The following THADA variants were observed in gnomAD, a reference collection of about 807,000 sequenced individuals.
THADA encodes the protein THADA armadillo repeat containing, also known as tRNA (32-2'-O)-methyltransferase regulator THADA.
A neutral mutation model predicts 219.8 loss-of-function variants in THADA; 213 were observed. The observed-to-expected ratio is 0.97, with a 90% CI of 0.87 to 1.09. The LOEUF is 1.09. THADA is among the 50% of genes least tolerant of loss of function. THADA has a pLI of 0.00. For synonymous variants in THADA, 1,018 were observed against 828.9 expected, an observed-to-expected ratio of 1.23 and a Z score of -3.92; for missense variants, 2,956 against 2,311.3, an observed-to-expected ratio of 1.28 and a Z score of -5.72.
chr2:43,546,059 T>A (rs1358450145), intron 20 of THADA, among the ~76,000 whole-genome samples: 1 of 149,738 alleles, frequency 6.7e-6, no homozygotes, highest in East Asian at 1.9e-4. Flanking sequence ...GTCCGAGAGA[T>A]TCTGGTATGT....
In THADA at chr2:43,291,786, CA is replaced by C. The variant is rs1211508357; in HGVS notation, c.4938-19del. 3.9e-6 allele frequency: 6 copies of C among 1,529,166 alleles called. No homozygotes were observed. The highest frequency in any genetic ancestry group is 2.1e-5 in the Admixed American group (1 of 46,806). 94.7% of individuals were successfully genotyped at this position (1,529,166 alleles called of 1,614,324 possible). A position where few individuals can be genotyped will look rare whatever the true frequency, so the allele number is the denominator to read the frequency against. On this transcript the variant is annotated intron_variant, in intron 33 of 37. Coordinates refer to ENST00000405975, the MANE Select transcript of THADA (RefSeq NM_022065.5). Reference sequence around the variant, plus strand: ...TTTCAGATCTAGAAAAATAAACAAACAAAAAAACAACACAAAATTACAATCA... The same window carrying C: ...TTTCAGATCTAGAAAAATAAACAAACAAAAAACAACACAAAATTACAATCA...
chr2:43,320,343 A>G (rs1251147426), intron 31 of THADA, 103 bp downstream of exon 31: 3 of 775,006 alleles, frequency 3.9e-6, no homozygotes, highest in Non-Finnish European at 6.4e-6. Flanking sequence ...TTAGTCTTAC[A>G]AAAGTAGAAG....
intron 26 of THADA, among the ~76,000 whole-genome samples, chr2:43,445,979 G>A (rs957325333): frequency 2.0e-5 from 3 of 152,262 alleles, no homozygotes; most frequent in South Asian, 2.1e-4. Flanking sequence ...GCCCTGCCAC[G>A]CCCCCTGTGA....
At chr2:43,516,378 C>G (rs778032394) in intron 22 of THADA, among the ~76,000 whole-genome samples, 2 of 152,116 alleles carry the variant, frequency 1.3e-5, no homozygotes, top group Non-Finnish European at 2.9e-5. Flanking sequence ...ATCTACAACT[C>G]TTTCCTATGC....
chr2:43,235,956 G>A lies in THADA; in HGVS notation c.5297-3074C>T, dbSNP rs540310322. Among the ~76,000 whole-genome samples the A allele has an allele frequency of 3.9e-5, 6 of 152,144 alleles. No homozygotes were observed. In the East Asian group the frequency reaches 5.8e-4, roughly 15 times the overall value. On this transcript the variant is annotated intron_variant, in intron 36 of 37. Coordinates refer to ENST00000405975, the MANE Select transcript of THADA (RefSeq NM_022065.5). ...CGAGTAGCTGGGATTACAGGCACCCGCCACCACGCCCGGCTAAATTTTTTT... is the reference window on the plus strand; with the variant it reads ...CGAGTAGCTGGGATTACAGGCACCCACCACCACGCCCGGCTAAATTTTTTT...
At chr2:43,594,129 T>A (rs911350863) in intron 1 of THADA, among the ~76,000 whole-genome samples, 1 of 151,940 alleles carries the variant, frequency 6.6e-6, no homozygotes, top group African/African-American at 2.4e-5. Flanking sequence ...CTGAAACAGC[T>A]CCCTAACTGG....
chr2:43,280,838 C>G (rs1673264938), intron 35 of THADA, among the ~76,000 whole-genome samples: 1 of 152,096 alleles, frequency 6.6e-6, no homozygotes, highest in Non-Finnish European at 1.5e-5. Context: ...CCTGAGCAAT[C>G]AAAAGGAATA....
chr2:43,438,716 T>C (rs758294729), intron 26 of THADA, among the ~76,000 whole-genome samples: 1 of 152,194 alleles, frequency 6.6e-6, no homozygotes, highest in Non-Finnish European at 1.5e-5. Flanking sequence ...CCCCCTTATC[T>C]GAGGGGATAC....
chr2:43,416,584 C>T (rs1460401321), intron 28 of THADA, among the ~76,000 whole-genome samples: 1 of 152,158 alleles, frequency 6.6e-6, no homozygotes, highest in African/African-American at 2.4e-5. Context: ...TGTGGCATCT[C>T]TTGGGGGCTG....
chr2:43,593,174 T>C (rs1032425178), intron 1 of THADA, among the ~76,000 whole-genome samples: 2 of 152,212 alleles, frequency 1.3e-5, no homozygotes, highest in African/African-American at 2.4e-5. Context: ...TGTTGAATGA[T>C]GGAATCAGGA....
At chr2:43,274,378 T>C (rs1304541706) in intron 36 of THADA, among the ~76,000 whole-genome samples, 2 of 152,218 alleles carry the variant, frequency 1.3e-5, no homozygotes, top group Non-Finnish European at 2.9e-5. Flanking sequence ...AGCTTTCTTA[T>C]TTCAAAGCGT....
At chr2:43,545,205 T>G (rs1189451887) in intron 20 of THADA, among the ~76,000 whole-genome samples, 1 of 151,692 alleles carries the variant, frequency 6.6e-6, no homozygotes, top group Non-Finnish European at 1.5e-5. Context: ...GAACCAGCCT[T>G]GCATCCCAGG....
intron 24 of THADA, among the ~76,000 whole-genome samples, chr2:43,501,460 T>G (rs1257458038): frequency 6.6e-6 from 1 of 151,460 alleles, no homozygotes; most frequent in Non-Finnish European, 1.5e-5. Flanking sequence ...TTTTCCCAAA[T>G]AAATCAATAC....
At chr2:43,405,710 G>T (rs1454081767) in intron 28 of THADA, among the ~76,000 whole-genome samples, 1 of 152,078 alleles carries the variant, frequency 6.6e-6, no homozygotes, top group African/African-American at 2.4e-5. Context: ...CCTTGGTTTG[G>T]GTAGTAAGGA....
intron 22 of THADA, among the ~76,000 whole-genome samples, chr2:43,523,795 T>A (rs1215236473): frequency 6.6e-6 from 1 of 152,202 alleles, no homozygotes; most frequent in Non-Finnish European, 1.5e-5. Flanking sequence ...ACATTACAAG[T>A]AAAGCAATTC....
At chr2:43,440,777 A>C (rs1222918509) in intron 26 of THADA, among the ~76,000 whole-genome samples, 3 of 152,228 alleles carry the variant, frequency 2.0e-5, no homozygotes, top group African/African-American at 7.2e-5. Flanking sequence ...TGCACACCGT[A>C]TGATTCTATC....
At chr2:43,304,500 G>A (rs1348372483) in intron 31 of THADA, among the ~76,000 whole-genome samples, 4 of 152,208 alleles carry the variant, frequency 2.6e-5, no homozygotes, top group African/African-American at 9.6e-5. Flanking sequence ...TCCTCATTCT[G>A]TCTGCACTTG....
intron 31 of THADA, among the ~76,000 whole-genome samples, chr2:43,310,227 C>T (rs867571894): frequency 4.4e-5 from 2 of 44,954 alleles, no homozygotes; most frequent in African/African-American, 2.0e-4. Context: ...CCCTTTCCCG[C>T]CCCCCCCCCA....
At chr2:43,261,425 T>C (rs533308434) in intron 36 of THADA, among the ~76,000 whole-genome samples, 2 of 151,532 alleles carry the variant, frequency 1.3e-5, no homozygotes, top group Non-Finnish European at 2.9e-5. Flanking sequence ...GGTTTCGCCA[T>C]GTTGCCTGGT....
Sources: allele counts gnomAD v4.1 joint callset (sites outside exome capture counted in the v4.1 genomes callset), GRCh38; gene constraint gnomAD v4.1.1; transcripts MANE v1.5; gene names NCBI Gene and HGNC (gene_info 2026-07-23, HGNC 2026-07-21).